The following DOP1A variants were observed in gnomAD, a reference collection of about 807,000 sequenced individuals.
The protein encoded by DOP1A is DOP1 leucine zipper like protein A, also known as protein DOP1A.
Under a neutral mutation model 267.6 loss-of-function variants are expected in DOP1A, and 90 were observed. That is an observed-to-expected ratio of 0.34 (90% CI 0.28 to 0.40). The LOEUF is 0.40. Ranked by LOEUF, DOP1A falls within the 10% of genes least tolerant of loss-of-function variation. The pLI, the probability that DOP1A is intolerant of heterozygous loss-of-function variation, is 1.00. For synonymous variants in DOP1A, 932 were observed against 999.1 expected (o/e 0.93, Z 1.27); for missense variants, 2,437 against 2,900.4 (o/e 0.84, Z 3.67).
rs1169049376 is a variant in DOP1A at position 83,155,820 on chromosome 6, G to A, written c.6452-131G>A. On this transcript the variant is annotated intron_variant, in intron 33 of 38. Coordinates refer to ENST00000349129, the MANE Select transcript of DOP1A (RefSeq NM_015018.4). ...TTTGCCAGCCTGTCTGCCCCAGAGAGGGGCATCAAGTTTTGTACCCCAAGC... is the reference window on the plus strand; with the variant it reads ...TTTGCCAGCCTGTCTGCCCCAGAGAAGGGCATCAAGTTTTGTACCCCAAGC... 29 of 1,042,394 alleles carry A rather than the reference G, an allele frequency of 2.8e-5. 1 individual carries two copies. The highest frequency in any genetic ancestry group is 3.9e-5 in the Non-Finnish European group (29 of 736,274). The allele number at this position is 1,042,394 out of a possible 1,614,324, so 64.6% of individuals were successfully genotyped here. A position where few individuals can be genotyped will look rare whatever the true frequency, so the allele number is the denominator to read the frequency against.
At chr6:83,079,594 T>A (rs987796651) in intron 1 of DOP1A, among the ~76,000 whole-genome samples, 22 of 152,194 alleles carry the variant, frequency 1.4e-4, no homozygotes, top group Non-Finnish European at 2.9e-4. Context: ...ATTTATTTTT[T>A]AAATGCTGAA....
chr6:83,112,335 CA>C, intron 6 of DOP1A, among the ~76,000 whole-genome samples: 1 of 151,744 alleles, frequency 6.6e-6, no homozygotes, highest in East Asian at 1.9e-4. Context: ...TACACCAAGC[CA>C]GTTTTCATGT....
intron 34 of DOP1A, 120 bp from the exon 35 acceptor site, chr6:83,157,057 AGTTTT>A (rs1352216846): frequency 2.4e-6 from 2 of 832,906 alleles, no homozygotes; most frequent in Non-Finnish European, 3.6e-6. Flanking sequence ...TATCTACAAC[AGTTTT>A]GAATTTTTTT....
intron 5 of DOP1A, among the ~76,000 whole-genome samples, chr6:83,109,503 C>G (rs1365737391): frequency 6.6e-6 from 1 of 152,090 alleles, no homozygotes; most frequent in Non-Finnish European, 1.5e-5. Context: ...AATAATATAA[C>G]AGGACATTTA....
At chr6:83,140,782 AATG>A (rs1779506372) in intron 23 of DOP1A, among the ~76,000 whole-genome samples, 1 of 152,206 alleles carries the variant, frequency 6.6e-6, no homozygotes, top group South Asian at 2.1e-4. Flanking sequence ...ATATAAATGG[AATG>A]ATAACAATAT....
chr6:83,147,447 G>A (rs1780806128), intron 26 of DOP1A, among the ~76,000 whole-genome samples, 156 bp downstream of exon 26: 1 of 152,068 alleles, frequency 6.6e-6, no homozygotes, highest in East Asian at 1.9e-4. Context: ...TTCCTAGATA[G>A]TAAAACACTG....
intron 4 of DOP1A, among the ~76,000 whole-genome samples, chr6:83,107,077 A>G (rs553954258): frequency 1.3e-5 from 2 of 152,154 alleles, no homozygotes; most frequent in South Asian, 4.1e-4. Flanking sequence ...AAAAATATAT[A>G]TATATTTTAA....
At chr6:83,120,102 A>G (rs1182101774) in intron 9 of DOP1A, among the ~76,000 whole-genome samples, 1 of 152,008 alleles carries the variant, frequency 6.6e-6, no homozygotes, top group Non-Finnish European at 1.5e-5. Context: ...ATTAAAACAT[A>G]GTTGTAGCTT....
intron 27 of DOP1A, 30 bp downstream of exon 27, chr6:83,148,893 A>T: frequency 7.6e-7 from 1 of 1,309,690 alleles, no homozygotes; most frequent in Non-Finnish European, 1.0e-6. Flanking sequence ...ATTATTTCAA[A>T]TAAAAGGATA....
rs772117715 is a variant in DOP1A at position 83,118,870 on chromosome 6, T to C, written c.781-18T>C. On this transcript the variant is annotated intron_variant, in intron 7 of 38. Transcript: ENST00000349129. ...TATTGTATATTGCTAAGTACAACCATATTCCTAACTCTTTCAGGCCACTCG... is the reference window on the plus strand; with the variant it reads ...TATTGTATATTGCTAAGTACAACCACATTCCTAACTCTTTCAGGCCACTCG... 5.6e-6 allele frequency: 9 copies of C among 1,610,778 alleles called. No homozygotes were observed. In the South Asian group the frequency reaches 8.8e-5, roughly 16 times the overall value.
intron 4 of DOP1A, among the ~76,000 whole-genome samples, chr6:83,102,904 G>T (rs1232619159): frequency 3.3e-5 from 5 of 151,960 alleles, no homozygotes; most frequent in Non-Finnish European, 7.4e-5. Context: ...TTCCACTCAG[G>T]TCCACAGGTC....
At chr6:83,088,020 T>C (rs536655584) in intron 1 of DOP1A, among the ~76,000 whole-genome samples, 1 of 152,174 alleles carries the variant, frequency 6.6e-6, no homozygotes, top group Non-Finnish European at 1.5e-5. Flanking sequence ...TACAGGCGCC[T>C]GCCGCCATGC....
intron 25 of DOP1A, 43 bp from the exon 26 acceptor site, chr6:83,147,193 C>T (rs552615407): frequency 3.0e-6 from 3 of 1,012,206 alleles, no homozygotes; most frequent in African/African-American, 1.6e-5. Flanking sequence ...AAAGCAAAGG[C>T]AGTATTCTTC....
chr6:83,129,891 G>A (rs562487161), intron 16 of DOP1A, among the ~76,000 whole-genome samples: 20 of 152,008 alleles, frequency 1.3e-4, no homozygotes, highest in African/African-American at 3.9e-4. Context: ...ACTGTTTTTC[G>A]GGACAGAAAA....
At chr6:83,099,134 A>G (rs1407778922) in intron 3 of DOP1A, among the ~76,000 whole-genome samples, 1 of 152,154 alleles carries the variant, frequency 6.6e-6, no homozygotes, top group Non-Finnish European at 1.5e-5. Flanking sequence ...ATATTATAAT[A>G]AGGGCTGTGG....
chr6:83,169,148 A>G, downstream of DOP1A: 2 of 1,562,106 alleles, frequency 1.3e-6, no homozygotes, highest in Non-Finnish European at 1.7e-6. Flanking sequence ...CATTATGATT[A>G]TAAATCTCTT....
At position 83,167,886 on chromosome 6, in the gene DOP1A, G is replaced by A. The variant is rs1361435291; in HGVS notation, c.7117G>A (p.Gly2373Arg). The A allele has an allele frequency of 6.2e-7, 1 of 1,611,732 alleles. No homozygotes were observed. Among genetic ancestry groups the A allele is most frequent in the East Asian group, 2.2e-5 (1 of 44,842 alleles). The change falls in exon 39 of 39, where the codon GGG (glycine) becomes AGG (arginine). Residue 2373 changes from glycine to arginine, a missense_variant. Around this residue, in one of 9 missense-constraint regions of DOP1A, gnomAD observed 197 missense variants for 246.5 expected, o/e 0.80. Transcript: ENST00000349129. ...AKKNPEEDNS[G>R]RTLGWEPGHL... ...GAAAAATCCAGAGGAAGACAACTCAGGGAGAACATTGGGTTGGGAGCCAGG... is the reference window on the plus strand; with the variant it reads ...GAAAAATCCAGAGGAAGACAACTCAAGGAGAACATTGGGTTGGGAGCCAGG...
intron 19 of DOP1A, among the ~76,000 whole-genome samples, chr6:83,135,131 C>A (rs1778678569): frequency 6.6e-6 from 1 of 152,088 alleles, no homozygotes; most frequent in African/African-American, 2.4e-5. Context: ...CAACACCACA[C>A]AAAATATTTG....
chr6:83,099,429 G>A (rs563183935), intron 3 of DOP1A, among the ~76,000 whole-genome samples: 1 of 152,106 alleles, frequency 6.6e-6, no homozygotes, highest in South Asian at 2.1e-4. Flanking sequence ...TTTGCTTAAA[G>A]GTAGTTAGGT....
Sources: gnomAD v4.1 joint callset for allele counts (sites outside exome capture counted in the v4.1 genomes callset) on GRCh38, gnomAD v4.1.1 for gene constraint, gnomAD v4.1.1 regional missense constraint, MANE v1.5 for transcripts, NCBI Gene and HGNC (gene_info 2026-07-23, HGNC 2026-07-21) for gene names.